The following QSER1 variants were observed in gnomAD, a reference collection of about 807,000 sequenced individuals.
QSER1 encodes the protein glutamine and serine-rich protein 1.
In QSER1, 49 loss-of-function variants were observed where a neutral mutation model predicts 158.5. The observed-to-expected ratio is 0.31, with a 90% CI of 0.25 to 0.39. The LOEUF is 0.39. Among genes scored for constraint, QSER1 ranks in the 10% least tolerant of loss-of-function variants. QSER1 has a pLI of 1.00. For synonymous variants in QSER1, 650 were observed against 715.5 expected, an observed-to-expected ratio of 0.91 and a Z score of 1.46; for missense variants, 1,754 against 2,010.3, an observed-to-expected ratio of 0.87 and a Z score of 2.44.
chr11:32,924,431 A>T (rs1851940185), intron 1 of QSER1, among the ~76,000 whole-genome samples: 1 of 151,702 alleles, frequency 6.6e-6, no homozygotes, highest in Non-Finnish European at 1.5e-5. Context: ...GTGGTGGTGC[A>T]CGCCTATGGT....
rs12293579 is a variant in QSER1 at position 32,969,134 on chromosome 11, A to G, written c.5196A>G (p.Gln1732=). ...KRLLLNLHLD[Q]SFKNALESFP... is the part of the protein sequence containing the mutation. ...TTCTTTTGAATCTTCATTTGGATCA[A>G]TCATTCAAGGTATTTCCTTCTGATG... Residue 1732 remains glutamine, a synonymous_variant, in exon 10 of 13, where the codon CAA becomes CAG. Coordinates refer to ENST00000650167, the MANE Select transcript of QSER1 (RefSeq NM_001076786.3). 3.3e-3 allele frequency: 5,270 copies of G among 1,582,086 alleles called. 147 individuals carry two copies. The African/African-American group carries it at 0.061, about 18-fold the overall frequency.
At chr11:32,941,761 T>C (rs564844060) in intron 4 of QSER1, among the ~76,000 whole-genome samples, 1 of 152,140 alleles carries the variant, frequency 6.6e-6, no homozygotes. Flanking sequence ...ATGGGATGGC[T>C]GGGTCAAATG....
Position 32,892,831 on chromosome 11 carries a change from A to G in QSER1, c.-295A>G, listed in dbSNP as rs1266743187. On this transcript the variant is annotated 5_prime_UTR_variant, in exon 1 of 13. The change abolishes an upstream ATG in the 5' untranslated region. Transcript: ENST00000650167. ...GGTGCATCCTGGGAAATCCACCAAC[A>G]TGGGGCGCAGCGGCCGCCGCCGCCG... Among the ~76,000 whole-genome samples, 4 of 122,610 alleles carry G rather than the reference A, an allele frequency of 3.3e-5. No homozygotes were observed. The highest frequency in any genetic ancestry group is 2.7e-4 in the South Asian group (1 of 3,688). The allele number at this position is 122,610 out of a possible 152,430, so 80.4% of individuals were successfully genotyped here. A position where few individuals can be genotyped will look rare whatever the true frequency, so the allele number is the denominator to read the frequency against.
At chr11:32,968,043 G>A (rs1014445058) in intron 9 of QSER1, among the ~76,000 whole-genome samples, 1 of 152,114 alleles carries the variant, frequency 6.6e-6, no homozygotes, top group Non-Finnish European at 1.5e-5. Context: ...CTTTGTAGTA[G>A]TCATTTCTGT....
intron 1 of QSER1, among the ~76,000 whole-genome samples, chr11:32,906,568 T>G (rs1268943226): frequency 6.6e-6 from 1 of 151,778 alleles, no homozygotes; most frequent in East Asian, 1.9e-4. Context: ...CTGGCTAAAT[T>G]CGGGTATATT....
chr11:32,935,646 G>A (rs1312994644), intron 4 of QSER1, among the ~76,000 whole-genome samples: 1 of 152,216 alleles, frequency 6.6e-6, no homozygotes, highest in Middle Eastern at 3.4e-3. Context: ...GCTTTTTCTT[G>A]GCTTTTTGCC....
chr11:32,902,239 G>A (rs1851634919), intron 1 of QSER1, among the ~76,000 whole-genome samples: 1 of 152,210 alleles, frequency 6.6e-6, no homozygotes, highest in Non-Finnish European at 1.5e-5. Flanking sequence ...AATGTCGCAA[G>A]GCAGGAACAA....
chr11:32,901,071 A>G (rs1363655441), intron 1 of QSER1, among the ~76,000 whole-genome samples: 1 of 152,214 alleles, frequency 6.6e-6, no homozygotes, highest in African/African-American at 2.4e-5. Flanking sequence ...TTGATAGCAT[A>G]AGCTCTGGAG....
At chr11:32,903,521 G>T (rs2133494648) in intron 1 of QSER1, among the ~76,000 whole-genome samples, 1 of 151,594 alleles carries the variant, frequency 6.6e-6, no homozygotes, top group South Asian at 2.1e-4. Context: ...ATTGAACAAT[G>T]ACTTGGAAGT....
At chr11:32,961,394 T>C (rs560293869) in intron 8 of QSER1, among the ~76,000 whole-genome samples, 219 of 152,326 alleles carry the variant, frequency 1.4e-3, no homozygotes, top group Middle Eastern at 3.4e-3. Flanking sequence ...ACATTGTTCA[T>C]TGGTCATGTG....
intron 1 of QSER1, among the ~76,000 whole-genome samples, chr11:32,913,217 G>A (rs1289618959): frequency 2.0e-5 from 2 of 100,840 alleles, no homozygotes; most frequent in African/African-American, 3.9e-5. Context: ...TTAAGATGGA[G>A]TCTTGCTTTG....
intron 9 of QSER1, among the ~76,000 whole-genome samples, chr11:32,967,497 A>G (rs1852772646): frequency 6.6e-6 from 1 of 152,208 alleles, no homozygotes; most frequent in Non-Finnish European, 1.5e-5. Context: ...GTTTTTTTTA[A>G]AGAAGAAAAT....
chr11:32,964,739 T>TAC lies in QSER1; in HGVS notation c.4970-1519_4970-1518dup, dbSNP rs1176492165. Among the ~76,000 whole-genome samples, 58 of 100,758 alleles carry TAC rather than the reference T, an allele frequency of 5.8e-4. 1 individual carries two copies. Among genetic ancestry groups the TAC allele is most frequent in the African/African-American group, 2.3e-3 (55 of 24,312 alleles). The allele number at this position is 100,758 out of a possible 152,430, so 66.1% of individuals were successfully genotyped here. On this transcript the variant is annotated intron_variant, in intron 8 of 12. Coordinates refer to ENST00000650167, the MANE Select transcript of QSER1 (RefSeq NM_001076786.3). ...CACCATATATATATATATATATATATACACACACACACACACACACACACA... is the reference window on the plus strand; with the variant it reads ...CACCATATATATATATATATATATATACACACACACACACACACACACACACA...
chr11:32,974,872 T>C (rs1852944579), intron 11 of QSER1, among the ~76,000 whole-genome samples: 1 of 152,184 alleles, frequency 6.6e-6, no homozygotes, highest in African/African-American at 2.4e-5. Context: ...ATTAGTGTTA[T>C]TAACATACAT....
At chr11:32,896,257 G>A (rs1851553965) in intron 1 of QSER1, among the ~76,000 whole-genome samples, 1 of 152,186 alleles carries the variant, frequency 6.6e-6, no homozygotes, top group South Asian at 2.1e-4. Context: ...GGAAGAGGCA[G>A]GCTGTTTTAT....
intron 3 of QSER1, among the ~76,000 whole-genome samples, chr11:32,928,686 G>GT (rs1852007117): frequency 6.6e-6 from 1 of 151,832 alleles, no homozygotes; most frequent in Non-Finnish European, 1.5e-5. Context: ...ATATATTTCT[G>GT]TTTTTTGTAG....
intron 11 of QSER1, 87 bp from the exon 12 acceptor site, chr11:32,975,161 T>G: frequency 1.1e-6 from 1 of 886,368 alleles, no homozygotes; most frequent in Non-Finnish European, 1.7e-6. Flanking sequence ...ACATTGCCAT[T>G]GAGACTTTTG....
chr11:32,966,229 C>T lies in QSER1; in HGVS notation c.4970-71C>T, dbSNP rs189127740. On this transcript the variant is annotated intron_variant, in intron 8 of 12. Coordinates refer to ENST00000650167, the MANE Select transcript of QSER1 (RefSeq NM_001076786.3). ...TATCTGCAATCTGCTTCTAGGGTCT[C>T]GTTATAGAGAAAAGTGTTTTTAAAA... 3.2e-4 allele frequency: 476 copies of T among 1,505,874 alleles called. No homozygotes were observed. The African/African-American group carries it at 6.1e-3, about 19-fold the overall frequency. 93.3% of individuals were successfully genotyped at this position (1,505,874 alleles called of 1,614,324 possible). A position where few individuals can be genotyped will look rare whatever the true frequency, so the allele number is the denominator to read the frequency against.
Position 32,900,882 on chromosome 11 carries a change from C to T in QSER1, c.209+7548C>T, listed in dbSNP as rs1380787476. 2.0e-5 allele frequency among the ~76,000 whole-genome samples: 3 copies of T among 152,208 alleles called. No individual in the cohort carries two copies. The East Asian group carries it at 5.8e-4, about 29-fold the overall frequency. ...CTAAAGTAACTGCACATCACTGACA[C>T]ATGACAGTTTTACCTCTTCAGAGCA... On this transcript the variant is annotated intron_variant, in intron 1 of 12. Coordinates refer to ENST00000650167, the MANE Select transcript of QSER1 (RefSeq NM_001076786.3).
Sources: allele counts gnomAD v4.1 joint callset (sites outside exome capture counted in the v4.1 genomes callset), GRCh38; gene constraint gnomAD v4.1.1; transcripts MANE v1.5; gene names NCBI Gene and HGNC (gene_info 2026-07-23, HGNC 2026-07-21).